Variants in CENATAC observed in about 807,000 individuals in gnomAD.
CENATAC encodes the protein centrosomal AT-AC splicing factor.
In CENATAC, 53 loss-of-function variants were observed where a neutral mutation model predicts 53.7. That is an observed-to-expected ratio of 0.99 (90% confidence interval 0.79 to 1.24). CENATAC has a LOEUF of 1.24. Among genes scored for constraint, CENATAC ranks in the 50% most tolerant of loss-of-function variants. The pLI is 0.00. For synonymous variants in CENATAC, 156 were observed against 144.6 expected (o/e 1.08, Z -0.57); for missense variants, 474 against 417.8 (o/e 1.13, Z -1.17).
chr11:119,011,161 G>C (rs895835411), intron 4 of CENATAC, 60 bp from the exon 5 acceptor site: 8 of 1,456,438 alleles, frequency 5.5e-6, no homozygotes, highest in South Asian at 1.2e-5. Flanking sequence ...TAAAGGAAAG[G>C]CCTCTGAAGA....
Position 118,998,558 on chromosome 11 carries a change from G to T in CENATAC, c.249G>T (p.Thr83=). The T allele has an allele frequency of 6.3e-7, 1 of 1,581,782 alleles. No individual in the cohort carries two copies. Among genetic ancestry groups the T allele is most frequent in the Non-Finnish European group, 8.6e-7 (1 of 1,163,304 alleles). Residue 83 remains threonine (T), a synonymous_variant, in exon 2 of 11, where the codon ACG becomes ACT. Transcript: ENST00000334418. Reference sequence around the variant, plus strand: ...AACACCTGAGCCATGGAAACCTGACGGTGCTGTACGGGGGGCTGCTGGAGC... The same window carrying T: ...AACACCTGAGCCATGGAAACCTGACTGTGCTGTACGGGGGGCTGCTGGAGC... ...VREHLSHGNL[T]VLYGGLLEHL... is the part of the protein sequence containing the mutation.
intron 8 of CENATAC, among the ~76,000 whole-genome samples, chr11:119,013,710 G>A (rs1210387826): frequency 2.0e-5 from 3 of 151,428 alleles, no homozygotes; most frequent in Non-Finnish European, 2.9e-5. Flanking sequence ...TGATCCACCC[G>A]CCTCGGCCTC....
Position 119,015,396 on chromosome 11 carries a change from T to G in CENATAC, c.895T>G (p.Ser299Ala), listed in dbSNP as rs781970005. The G allele has an allele frequency of 3.7e-6, 6 of 1,614,194 alleles. No homozygotes were observed. Among genetic ancestry groups the G allele is most frequent in the South Asian group, 3.3e-5 (3 of 91,090 alleles). The change falls in exon 10 of 11, where the codon TCT becomes GCT. Residue 299 changes from serine to alanine, a missense_variant. Transcript: ENST00000334418. ...CAGGACCAGTGCAGGCTGGCTGCCC[T>G]CTTTTGGCCGCGTCTGGAATAATGG... is the stretch of plus-strand genomic sequence containing the variant. ...SSRTSAGWLP[S>A]FGRVWNNGRR...
intron 9 of CENATAC, 62 bp from the exon 10 acceptor site, chr11:119,015,245 G>T: frequency 6.5e-7 from 1 of 1,527,848 alleles, no homozygotes; most frequent in African/African-American, 1.4e-5. Context: ...GGACAACATA[G>T]TGAGACCCCA....
Position 118,998,239 on chromosome 11 carries a change from C to T in CENATAC, c.42C>T (p.Phe14=), listed in dbSNP as rs781990106. 4 of 1,586,932 alleles carry T rather than the reference C, an allele frequency of 2.5e-6. 1 individual carries two copies. The highest frequency in any genetic ancestry group is 3.4e-4 in the Middle Eastern group (2 of 5,960). ...AQRCPLCRQT[F]FCGRGHVYSR... is the part of the protein sequence containing the mutation. ...GCTGCCCTCTGTGCCGCCAGACCTT[C>T]TTCTGTGGTCGCGGGCACGTTTACA... The change falls in exon 1 of 11, where the codon TTC becomes TTT. Residue 14 remains phenylalanine (F), a synonymous_variant. Transcript: ENST00000334418.
At chr11:119,001,770 G>A in intron 3 of CENATAC, 2 of 439,764 alleles carry the variant, frequency 4.5e-6, no homozygotes, top group South Asian at 3.2e-5. Context: ...AGAAACTAAT[G>A]AAACTGCCAG....
chr11:118,998,273 C>A lies in CENATAC; in HGVS notation c.76C>A (p.His26Asn). Residue 26 changes from histidine (H) to asparagine (N), a missense_variant, in exon 1 of 11, where the codon CAC becomes AAC. Physicochemically the swap from His to Asn is moderately conservative, Grantham distance 68. Coordinates refer to ENST00000334418, the MANE Select transcript of CENATAC (RefSeq NM_198489.3). ...CGRGHVYSRKHQRQLKEALER... is the reference protein window; with the variant it reads ...CGRGHVYSRKNQRQLKEALER... ...TCGCGGGCACGTTTACAGCCGCAAG[C>A]ACCAGCGGCAGCTGAAGGAGGCTTT... is the stretch of plus-strand genomic sequence containing the variant. 1 of 1,598,618 alleles carries A rather than the reference C, an allele frequency of 6.3e-7. No homozygotes were observed. Among genetic ancestry groups the A allele is most frequent in the Admixed American group, 1.7e-5 (1 of 57,154 alleles).
At chr11:119,002,046 A>G (rs893083880) in intron 3 of CENATAC, among the ~76,000 whole-genome samples, 1 of 151,782 alleles carries the variant, frequency 6.6e-6, no homozygotes, top group Non-Finnish European at 1.5e-5. Flanking sequence ...CAACATGGTG[A>G]AACCCCATCC....
intron 8 of CENATAC, among the ~76,000 whole-genome samples, chr11:119,013,684 C>T (rs1451870172): frequency 2.0e-5 from 3 of 151,748 alleles, no homozygotes; most frequent in East Asian, 1.9e-4. Flanking sequence ...GGGATGGTCT[C>T]GATCTCCTGA....
intron 3 of CENATAC, among the ~76,000 whole-genome samples, chr11:119,007,477 T>C (rs1241467931): frequency 6.6e-6 from 1 of 152,074 alleles, no homozygotes; most frequent in African/African-American, 2.4e-5. Context: ...CCACCTAATC[T>C]GGCCTTTTTA....
At position 119,012,258 on chromosome 11, in the gene CENATAC, C is replaced by CA. The variant is rs1942903870; in HGVS notation, c.684+7dup. On this transcript the variant is annotated splice_donor_region_variant and intron_variant, in intron 7 of 10. Coordinates refer to ENST00000334418, the MANE Select transcript of CENATAC (RefSeq NM_198489.3). Reference sequence around the variant, plus strand: ...TCTGACATTCATTGGCCATCAGGTACAAAGGATAAGCAAGCCAGAAGAGGG... The same window carrying CA: ...TCTGACATTCATTGGCCATCAGGTACAAAAGGATAAGCAAGCCAGAAGAGGG... 1.9e-6 allele frequency: 3 copies of CA among 1,613,908 alleles called. No homozygotes were observed. In the African/African-American group the frequency reaches 4.0e-5, roughly 22 times the overall value.
At chr11:118,999,199 C>A in intron 3 of CENATAC, 90 bp downstream of exon 3, 1 of 944,926 alleles carries the variant, frequency 1.1e-6, no homozygotes, top group South Asian at 1.4e-5. Flanking sequence ...CTGGAAAGTT[C>A]AGGAGGGACT....
intron 3 of CENATAC, among the ~76,000 whole-genome samples, chr11:119,000,080 A>G (rs377444915): frequency 1.6e-4 from 25 of 152,344 alleles, no homozygotes; most frequent in East Asian, 1.9e-4. Context: ...CCTGGTCTCA[A>G]TGATTTTCTT....
At chr11:119,012,276 G>T in intron 7 of CENATAC, 22 bp downstream of exon 7, 1 of 1,612,686 alleles carries the variant, frequency 6.2e-7, no homozygotes, top group Non-Finnish European at 8.5e-7. Flanking sequence ...AAGCAAGCCA[G>T]AAGAGGGCCA....
intron 3 of CENATAC, chr11:119,001,465 C>T (rs1194494657): frequency 2.7e-6 from 1 of 373,986 alleles, no homozygotes; most frequent in African/African-American, 2.1e-5. Context: ...GATCTCGGCT[C>T]ACTGCAACCT....
At chr11:119,005,410 G>A (rs1378534846) in intron 3 of CENATAC, among the ~76,000 whole-genome samples, 5 of 151,432 alleles carry the variant, frequency 3.3e-5, no homozygotes, top group Admixed American at 6.6e-5. Context: ...AGCTTGCAGT[G>A]AGCCGAGATC....
In CENATAC at chr11:118,998,168, C is replaced by T. The variant is rs1353959829; in HGVS notation, c.-30C>T. 5 of 1,565,222 alleles carry T rather than the reference C, an allele frequency of 3.2e-6. No homozygotes were observed. Among genetic ancestry groups the T allele is most frequent in the Non-Finnish European group, 3.5e-6 (4 of 1,158,474 alleles). On this transcript the variant is annotated 5_prime_UTR_variant, in exon 1 of 11. Transcript: ENST00000334418. Reference sequence around the variant, plus strand: ...CCGCCGGATGGCGTAGGATCGGCCGCTGGTGGTGGTGATACCGGGTACCCG... The same window carrying T: ...CCGCCGGATGGCGTAGGATCGGCCGTTGGTGGTGGTGATACCGGGTACCCG...
chr11:119,011,420 C>A, intron 5 of CENATAC, 137 bp downstream of exon 5: 1 of 762,908 alleles, frequency 1.3e-6, no homozygotes. Flanking sequence ...GTCACCCAGG[C>A]TGGAGTGCAG....
At chr11:119,014,358 C>CGGAT (rs1404341635) in intron 8 of CENATAC, 1 of 152,278 alleles carries the variant, frequency 6.6e-6, no homozygotes, top group Non-Finnish European at 1.5e-5. Flanking sequence ...CCAAGGCAGG[C>CGGAT]GGATCACGAG....
Sources: allele counts gnomAD v4.1 joint callset (sites outside exome capture counted in the v4.1 genomes callset), GRCh38; gene constraint gnomAD v4.1.1; transcripts MANE v1.5; gene names NCBI Gene and HGNC (gene_info 2026-07-23, HGNC 2026-07-21).